The following RBFOX1 variants were observed in gnomAD, a reference collection of about 807,000 sequenced individuals.
RBFOX1 encodes RNA binding protein fox-1 homolog 1.
A neutral mutation model predicts 57.7 loss-of-function variants in RBFOX1; 8 were observed. That is an observed-to-expected ratio of 0.14 (90% CI 0.08 to 0.25). The LOEUF is 0.25. Ranked by LOEUF, RBFOX1 falls within the 10% of genes least tolerant of loss-of-function variation. The probability of loss-of-function intolerance (pLI) is 1.00; values close to 1 mark genes in which losing one functional copy is unlikely to be tolerated. For synonymous variants in RBFOX1, 326 were observed against 222.4 expected (o/e 1.47, Z -4.15); for missense variants, 611 against 548.5 (o/e 1.11, Z -1.14).
chr16:6,302,214 G>A (rs934041952), intron 1 of RBFOX1, among the ~76,000 whole-genome samples: 1 of 151,860 alleles, frequency 6.6e-6, no homozygotes, highest in African/African-American at 2.4e-5. Flanking sequence ...ATGGTTACCT[G>A]AGGTGGCCCC....
intron 4 of RBFOX1, among the ~76,000 whole-genome samples, chr16:6,012,230 T>G (rs1700465913): frequency 6.6e-6 from 1 of 152,218 alleles, no homozygotes; most frequent in South Asian, 2.1e-4. Context: ...GATGGTAATC[T>G]GGTTTACAGT....
At chr16:6,232,005 A>G (rs985302085) in intron 1 of RBFOX1, among the ~76,000 whole-genome samples, 8 of 152,166 alleles carry the variant, frequency 5.3e-5, no homozygotes, top group African/African-American at 1.4e-4. Context: ...CTCGTTTGCA[A>G]TATTATTAGT....
intron 1 of RBFOX1, among the ~76,000 whole-genome samples, chr16:6,167,445 T>C (rs187458429): frequency 2.8e-4 from 42 of 152,332 alleles, no homozygotes; most frequent in African/African-American, 9.9e-4. Context: ...GTTATTGTTA[T>C]CTCTTATTCC....
chr16:6,535,955 A>T (rs2096729278), intron 2 of RBFOX1, among the ~76,000 whole-genome samples: 1 of 152,176 alleles, frequency 6.6e-6, no homozygotes, highest in South Asian at 2.1e-4. Flanking sequence ...ACCCACTAAG[A>T]TGCCTCTTTA....
chr16:5,371,265 G>A (rs1002017904), intron 1 of RBFOX1, among the ~76,000 whole-genome samples: 7 of 152,176 alleles, frequency 4.6e-5, no homozygotes, highest in African/African-American at 1.7e-4. Context: ...TGGTTTCAAA[G>A]AGGGCATTAG....
intron 4 of RBFOX1, among the ~76,000 whole-genome samples, chr16:7,347,663 G>C (rs974831193): frequency 6.6e-6 from 1 of 152,162 alleles, no homozygotes; most frequent in African/African-American, 2.4e-5. Context: ...CTCAGCTACA[G>C]AGACTATCAG....
rs9934980 is a variant in RBFOX1 at position 5,358,704 on chromosome 16, A to C, written c.220-108512A>C. Among the ~76,000 whole-genome samples, 1,426 of 152,270 alleles carry C rather than the reference A, an allele frequency of 9.4e-3. 21 individuals carry two copies. The highest frequency in any genetic ancestry group is 0.033 in the African/African-American group (1,385 of 41,546). The stretch of plus-strand genomic sequence containing the variant: ...CGGGTGTGGTGGCGCATGTATGCCT[A>C]TAATCCCAGCTACTGGGGAGGTTGA... On this transcript the variant is annotated intron_variant, in intron 1 of 2. Coordinates refer to the RBFOX1 transcript ENST00000585867.
intron 4 of RBFOX1, among the ~76,000 whole-genome samples, chr16:5,929,938 CT>C (rs1380799403): frequency 2.6e-5 from 4 of 151,066 alleles, no homozygotes; most frequent in Non-Finnish European, 2.9e-5. Context: ...AACAGATGTG[CT>C]TTGAGTGGGG....
intron 4 of RBFOX1, among the ~76,000 whole-genome samples, chr16:7,205,523 A>AAAG (rs919464657): frequency 2.0e-5 from 3 of 151,880 alleles, no homozygotes; most frequent in African/African-American, 7.3e-5. Flanking sequence ...AGGAAAAAAA[A>AAAG]AAAAAGAAAA....
intron 2 of RBFOX1, among the ~76,000 whole-genome samples, chr16:6,363,787 A>G (rs927365155): frequency 2.0e-5 from 3 of 152,242 alleles, no homozygotes; most frequent in African/African-American, 7.2e-5. Context: ...AATTGTGTCC[A>G]TGTAAAATCA....
At chr16:6,650,652 GT>G (rs2098581206) in intron 2 of RBFOX1, among the ~76,000 whole-genome samples, 1 of 152,174 alleles carries the variant, frequency 6.6e-6, no homozygotes, top group Non-Finnish European at 1.5e-5. Flanking sequence ...TAGGAAAACA[GT>G]CTGTTCTACA....
chr16:6,521,645 C>T (rs1386211058), intron 2 of RBFOX1, among the ~76,000 whole-genome samples: 8 of 151,974 alleles, frequency 5.3e-5, no homozygotes, highest in Middle Eastern at 3.4e-3. Context: ...CAAAGAAATA[C>T]TTGTAGGCTA....
At chr16:5,845,960 G>A (rs989810739) in intron 3 of RBFOX1, among the ~76,000 whole-genome samples, 9 of 152,112 alleles carry the variant, frequency 5.9e-5, no homozygotes, top group Non-Finnish European at 1.2e-4. Flanking sequence ...ATTACTTGAG[G>A]TCAGGAATTC....
chr16:7,699,782 A>G (rs979090973), intron 14 of RBFOX1, among the ~76,000 whole-genome samples: 1 of 152,110 alleles, frequency 6.6e-6, no homozygotes, highest in Admixed American at 6.5e-5. Context: ...AAAATGACAT[A>G]TGTCTTGCAT....
intron 1 of RBFOX1, among the ~76,000 whole-genome samples, chr16:5,449,278 C>T (rs2068348614): frequency 6.6e-6 from 1 of 152,198 alleles, no homozygotes; most frequent in Non-Finnish European, 1.5e-5. Flanking sequence ...CCCTGCTTTC[C>T]CTAATGACGC....
At chr16:6,393,872 C>G (rs2092709319) in intron 2 of RBFOX1, among the ~76,000 whole-genome samples, 1 of 152,094 alleles carries the variant, frequency 6.6e-6, no homozygotes, top group Non-Finnish European at 1.5e-5. Context: ...TGTCAGGAAA[C>G]CAGCAAAACC....
intron 2 of RBFOX1, among the ~76,000 whole-genome samples, chr16:6,548,277 G>C (rs911284177): frequency 1.3e-5 from 2 of 152,162 alleles, no homozygotes; most frequent in East Asian, 3.8e-4. Flanking sequence ...AAGCTATAGT[G>C]TCCGAGATCA....
chr16:7,436,967 G>C (rs1310191109), intron 4 of RBFOX1, among the ~76,000 whole-genome samples: 2 of 152,132 alleles, frequency 1.3e-5, no homozygotes, highest in Admixed American at 1.3e-4. Context: ...TGTAATCCGA[G>C]CTACTCAGGA....
intron 4 of RBFOX1, among the ~76,000 whole-genome samples, chr16:5,955,893 C>A (rs181586709): frequency 3.0e-4 from 45 of 152,250 alleles, no homozygotes; most frequent in African/African-American, 1.1e-3. Flanking sequence ...GTCCAATGCT[C>A]AAATAGCAAA....
Sources: allele counts gnomAD v4.1 joint callset (sites outside exome capture counted in the v4.1 genomes callset), GRCh38; gene constraint gnomAD v4.1.1; transcripts MANE v1.5; gene names NCBI Gene and HGNC (gene_info 2026-07-23, HGNC 2026-07-21).